The following RNF2 variants were observed in gnomAD, a reference collection of about 807,000 sequenced individuals.
RNF2 encodes E3 ubiquitin-protein ligase RING2.
A neutral mutation model predicts 37.2 loss-of-function variants in RNF2; 6 were observed. The ratio of observed to expected loss-of-function variants is 0.16; its 90% CI spans 0.09 to 0.32. RNF2 has a LOEUF of 0.32. Among genes scored for constraint, RNF2 ranks in the 10% least tolerant of loss-of-function variants. RNF2 has a pLI of 1.00. For missense variants in RNF2, 251 were observed against 404.0 expected (o/e 0.62, Z 3.25); for synonymous variants, 133 against 132.7 (o/e 1.00, Z -0.02).
chr1:185,100,037 A>T, intron 6 of RNF2, 75 bp downstream of exon 6: 1 of 1,380,836 alleles, frequency 7.2e-7, no homozygotes, highest in Non-Finnish European at 1.0e-6. Flanking sequence ...GTGGTGGGGT[A>T]GAATCTAATA....
chr1:185,091,210 A>G (rs1651756860), intron 2 of RNF2, among the ~76,000 whole-genome samples: 1 of 152,208 alleles, frequency 6.6e-6, no homozygotes, highest in African/African-American at 2.4e-5. Flanking sequence ...AGGTAAGAAG[A>G]CAATGTTAAA....
chr1:185,093,517 C>T (rs560015911), intron 4 of RNF2, among the ~76,000 whole-genome samples: 7 of 152,118 alleles, frequency 4.6e-5, no homozygotes, highest in South Asian at 2.1e-4. Flanking sequence ...AGCAAAATTC[C>T]TTGAAAGAGT....
chr1:185,064,117 C>G (rs929321659), intron 1 of RNF2, among the ~76,000 whole-genome samples: 12 of 152,110 alleles, frequency 7.9e-5, no homozygotes, highest in Admixed American at 3.3e-4. Flanking sequence ...TTCAGAAGGG[C>G]ATTTAAAATT....
intron 1 of RNF2, among the ~76,000 whole-genome samples, chr1:185,086,446 T>C (rs769971214): frequency 6.6e-6 from 1 of 152,110 alleles, no homozygotes; most frequent in Non-Finnish European, 1.5e-5. Context: ...TCTTATGCTC[T>C]TCAGTTCATT....
intron 1 of RNF2, among the ~76,000 whole-genome samples, chr1:185,075,461 C>G (rs1318719646): frequency 6.6e-6 from 1 of 152,206 alleles, no homozygotes; most frequent in Non-Finnish European, 1.5e-5. Context: ...ATTCCTGTTT[C>G]TGCACACACT....
chr1:185,074,442 T>C (rs1651083795), intron 1 of RNF2, among the ~76,000 whole-genome samples: 1 of 152,106 alleles, frequency 6.6e-6, no homozygotes, highest in Non-Finnish European at 1.5e-5. Context: ...GTCCTGAATC[T>C]ATCTAGGGGC....
chr1:185,064,072 A>T (rs1311274299), intron 1 of RNF2, among the ~76,000 whole-genome samples: 1 of 152,212 alleles, frequency 6.6e-6, no homozygotes, highest in East Asian at 1.9e-4. Flanking sequence ...ACCTTTGGGG[A>T]CCTATTATTC....
In RNF2 at chr1:185,099,886, C is replaced by T; in HGVS notation, c.833C>T (p.Ser278Leu). The T allele has an allele frequency of 6.2e-7, 1 of 1,614,108 alleles. No individual in the cohort carries two copies. Among genetic ancestry groups the T allele is most frequent in the South Asian group, 1.1e-5 (1 of 91,074 alleles). ...ALEELRSKGESNQMNLDTASE... is the reference protein window; with the variant it reads ...ALEELRSKGELNQMNLDTASE... ...GAAGAACTTCGAAGCAAAGGTGAAT[C>T]AAACCAGATGAACCTTGATACAGCC... Residue 278 changes from serine (S) to leucine (L), a missense_variant, in exon 6 of 7, where the codon TCA (serine) becomes TTA (leucine). Ser to Leu is a moderately radical substitution (Grantham distance 145). Transcript: ENST00000367510.
At chr1:185,074,177 C>T (rs1651074800) in intron 1 of RNF2, among the ~76,000 whole-genome samples, 1 of 152,154 alleles carries the variant, frequency 6.6e-6, no homozygotes, top group African/African-American at 2.4e-5. Context: ...ACCATAGGAG[C>T]TCCTGTCCTG....
chr1:185,095,690 TCTTC>T (rs1000688021), intron 4 of RNF2, among the ~76,000 whole-genome samples: 1 of 152,246 alleles, frequency 6.6e-6, no homozygotes, highest in Non-Finnish European at 1.5e-5. Context: ...ATTTTTAAGT[TCTTC>T]CTTTATATTG....
chr1:185,047,991 A>T (rs982198944), intron 1 of RNF2, among the ~76,000 whole-genome samples: 2 of 152,206 alleles, frequency 1.3e-5, no homozygotes, highest in Non-Finnish European at 2.9e-5. Context: ...GTACAAAGGT[A>T]TAATAGCATT....
At chr1:185,055,909 C>T (rs1293394653) in intron 1 of RNF2, among the ~76,000 whole-genome samples, 1 of 151,596 alleles carries the variant, frequency 6.6e-6, no homozygotes, top group Non-Finnish European at 1.5e-5. Flanking sequence ...TGCAAAAGTG[C>T]TTTTTTTTAA....
chr1:185,064,020 G>A (rs533814815), intron 1 of RNF2, among the ~76,000 whole-genome samples: 2 of 152,188 alleles, frequency 1.3e-5, no homozygotes, highest in Non-Finnish European at 2.9e-5. Context: ...ATTTTGCCAT[G>A]TAAGGTTAAC....
In RNF2 at chr1:185,101,115, TATGTG is replaced by T. The variant is rs1652064879; in HGVS notation, c.*819_*823del. The T allele has an allele frequency of 6.6e-6, 1 of 152,550 alleles. No individual in the cohort carries two copies. Among genetic ancestry groups the T allele is most frequent in the South Asian group, 2.1e-4 (1 of 4,828 alleles). The allele number at this position is 152,550 out of a possible 1,614,324, so 9.4% of individuals were successfully genotyped here. A position where few individuals can be genotyped will look rare whatever the true frequency, so the allele number is the denominator to read the frequency against. ...TGCTGTCACTTCATTTCCTGTATTATATGTGATGTTTTTCCCCATTAAAATACCAG... is the reference window on the plus strand; with the variant it reads ...TGCTGTCACTTCATTTCCTGTATTATATGTTTTTCCCCATTAAAATACCAG... On this transcript the variant is annotated 3_prime_UTR_variant, in exon 7 of 7. Transcript: ENST00000367510.
chr1:185,096,743 G>A (rs1211425013), intron 4 of RNF2, among the ~76,000 whole-genome samples: 1 of 150,904 alleles, frequency 6.6e-6, no homozygotes, highest in Non-Finnish European at 1.5e-5. Flanking sequence ...TCCATTGTGT[G>A]TGCTTATGTA....
intron 1 of RNF2, among the ~76,000 whole-genome samples, chr1:185,083,389 T>G (rs745392792): frequency 3.3e-5 from 5 of 152,164 alleles, no homozygotes; most frequent in Non-Finnish European, 7.3e-5. Context: ...CGTATTTTGT[T>G]TTAGCCTATG....
intron 1 of RNF2, among the ~76,000 whole-genome samples, chr1:185,068,353 T>A (rs1376587271): frequency 6.6e-6 from 1 of 152,218 alleles, no homozygotes; most frequent in East Asian, 1.9e-4. Flanking sequence ...TTAATTTACT[T>A]TGAAAAAGGT....
intron 1 of RNF2, among the ~76,000 whole-genome samples, chr1:185,076,610 G>A (rs1254759241): frequency 3.4e-5 from 5 of 149,250 alleles, no homozygotes; most frequent in African/African-American, 1.2e-4. Flanking sequence ...TTTTTTTTAT[G>A]TTAATCCTTC....
At chr1:185,076,490 C>G (rs965556141) in intron 1 of RNF2, among the ~76,000 whole-genome samples, 1 of 150,356 alleles carries the variant, frequency 6.7e-6, no homozygotes, top group Non-Finnish European at 1.5e-5. Flanking sequence ...CGGGATTTTA[C>G]CGTGTTAGCC....
Sources: gnomAD v4.1 joint callset for allele counts (sites outside exome capture counted in the v4.1 genomes callset) on GRCh38, gnomAD v4.1.1 for gene constraint, MANE v1.5 for transcripts, NCBI Gene and HGNC (gene_info 2026-07-23, HGNC 2026-07-21) for gene names.